MAML3: variants seen among roughly 807,000 people sequenced by gnomAD.
The protein encoded by MAML3 is mastermind-like protein 3.
In MAML3, 27 loss-of-function variants were observed where a neutral mutation model predicts 101.9. That is an observed-to-expected ratio of 0.27 (90% CI 0.20 to 0.37). MAML3 has a LOEUF of 0.37. MAML3 is among the 10% of genes least tolerant of loss of function. The pLI is 1.00. For missense variants in MAML3, 1,316 were observed against 1,444.9 expected (o/e 0.91, Z 1.45); for synonymous variants, 501 against 555.9 (o/e 0.90, Z 1.39).
chr4:139,812,581 T>C lies in MAML3; in HGVS notation c.2079+76776A>G, dbSNP rs560388317. ...CTACAATTCAGTGGTCGGATAATCT[T>C]ACCTCACTCCAAACCTGTCTGGCAC... On this transcript the variant is annotated intron_variant, in intron 2 of 4. Coordinates refer to ENST00000509479, the MANE Select transcript of MAML3 (RefSeq NM_018717.5). Among the ~76,000 whole-genome samples the C allele has an allele frequency of 3.9e-5, 6 of 152,350 alleles. No homozygotes were observed. The South Asian group carries it at 1.0e-3, about 26-fold the overall frequency.
Position 140,153,052 on chromosome 4 carries a change from C to T in MAML3, c.276G>A (p.Glu92=), listed in dbSNP as rs769037544. 3.2e-6 allele frequency: 5 copies of T among 1,578,976 alleles called. No homozygotes were observed. In the African/African-American group the frequency reaches 5.4e-5, roughly 17 times the overall value. The change falls in exon 1 of 5, where the codon GAG becomes GAA. Residue 92 remains glutamate (E), a synonymous_variant. Coordinates refer to ENST00000509479, the MANE Select transcript of MAML3 (RefSeq NM_018717.5). ...EGCRRHHVNC[E]NRYQQAQVEQ... ...CCACCTGAGCCTGCTGGTACCTGTT[C>T]TCGCAGTTGACGTGGTGCCGACGGC...
chr4:139,876,499 T>TA (rs1209461505), intron 2 of MAML3, among the ~76,000 whole-genome samples: 2 of 152,224 alleles, frequency 1.3e-5, no homozygotes, highest in Admixed American at 6.5e-5. Flanking sequence ...AAGGCTGCAA[T>TA]ACACTCAGAT....
intron 1 of MAML3, among the ~76,000 whole-genome samples, chr4:140,056,369 T>G (rs1297838646): frequency 6.6e-6 from 1 of 151,722 alleles, no homozygotes; most frequent in Non-Finnish European, 1.5e-5. Flanking sequence ...CTTTTTTTTT[T>G]TTTTAAAGAC....
intron 1 of MAML3, among the ~76,000 whole-genome samples, chr4:140,118,483 A>AC (rs1404784981): frequency 1.3e-5 from 2 of 152,146 alleles, no homozygotes; most frequent in African/African-American, 4.8e-5. Context: ...CAGAACCATA[A>AC]CCTTGACTAC....
intron 2 of MAML3, among the ~76,000 whole-genome samples, chr4:139,814,933 T>C (rs1730868779): frequency 6.6e-6 from 1 of 152,266 alleles, no homozygotes; most frequent in East Asian, 1.9e-4. Context: ...GGCTGTGCTA[T>C]AGAAATGAAA....
intron 2 of MAML3, among the ~76,000 whole-genome samples, chr4:139,797,177 C>T (rs889520580): frequency 6.6e-6 from 1 of 152,134 alleles, no homozygotes; most frequent in African/African-American, 2.4e-5. Flanking sequence ...TTATCTCAAC[C>T]TAAGTTGGCA....
intron 1 of MAML3, among the ~76,000 whole-genome samples, chr4:139,908,870 C>A (rs958266582): frequency 3.3e-5 from 5 of 152,146 alleles, no homozygotes; most frequent in Non-Finnish European, 5.9e-5. Flanking sequence ...TGATTAATGG[C>A]CATTACTGAT....
intron 1 of MAML3, among the ~76,000 whole-genome samples, chr4:139,989,450 T>A (rs1734617106): frequency 6.6e-6 from 1 of 152,104 alleles, no homozygotes; most frequent in Non-Finnish European, 1.5e-5. Context: ...TTCCTCCCTA[T>A]TACCCGTATC....
chr4:139,819,088 T>C (rs1302401695), intron 2 of MAML3, among the ~76,000 whole-genome samples: 1 of 152,060 alleles, frequency 6.6e-6, no homozygotes, highest in African/African-American at 2.4e-5. Context: ...CCGAATAAAA[T>C]AAGCATGAAA....
intron 1 of MAML3, among the ~76,000 whole-genome samples, chr4:140,112,711 C>G (rs1427740418): frequency 6.6e-6 from 1 of 152,228 alleles, no homozygotes; most frequent in Non-Finnish European, 1.5e-5. Context: ...TCTTCAGAAC[C>G]AGTAGAGCTT....
chr4:139,759,884 G>A (rs938555396), intron 2 of MAML3, among the ~76,000 whole-genome samples: 2 of 152,214 alleles, frequency 1.3e-5, no homozygotes, highest in Non-Finnish European at 2.9e-5. Flanking sequence ...TTCTTGCAAA[G>A]TTTTAGGACA....
At position 139,891,685 on chromosome 4, in the gene MAML3, T is replaced by TA. The variant is rs935277112; in HGVS notation, c.469-719dup. ...AACATCAAGGAATTAAATCAACATT[T>TA]AAAAAAAATGCTAAAATAAAAACTT... is the stretch of plus-strand genomic sequence containing the variant. On this transcript the variant is annotated intron_variant, in intron 1 of 4. Coordinates refer to ENST00000509479, the MANE Select transcript of MAML3 (RefSeq NM_018717.5). Among the ~76,000 whole-genome samples, 6 of 151,958 alleles carry TA rather than the reference T, an allele frequency of 3.9e-5. No homozygotes were observed. The East Asian group carries it at 9.6e-4, about 24-fold the overall frequency.
chr4:140,151,300 G>T (rs1330275632), intron 1 of MAML3, among the ~76,000 whole-genome samples: 2 of 152,038 alleles, frequency 1.3e-5, no homozygotes, highest in Non-Finnish European at 2.9e-5. Flanking sequence ...GAGGGAGGAG[G>T]GGTTGAGCGC....
In MAML3 at chr4:139,915,778, C is replaced by T. The variant is rs149503118; in HGVS notation, c.469-24811G>A. 4.3e-3 allele frequency among the ~76,000 whole-genome samples: 655 copies of T among 152,052 alleles called. 8 individuals carry two copies. The highest frequency in any genetic ancestry group is 0.015 in the African/African-American group (642 of 41,458). ...CACAGTGAACATGCCCTGACCTCCT[C>T]GTTATCTTAAGCAAAATTTTGGGGT... On this transcript the variant is annotated intron_variant, in intron 1 of 4. Transcript: ENST00000509479.
At chr4:140,014,024 A>C (rs1405320398) in intron 1 of MAML3, among the ~76,000 whole-genome samples, 2 of 152,234 alleles carry the variant, frequency 1.3e-5, no homozygotes, top group Non-Finnish European at 2.9e-5. Flanking sequence ...GGCAAAGCCA[A>C]TCGCTGCAGG....
intron 2 of MAML3, among the ~76,000 whole-genome samples, chr4:139,855,853 A>G (rs1355291990): frequency 6.6e-6 from 1 of 152,256 alleles, no homozygotes; most frequent in Admixed American, 6.5e-5. Flanking sequence ...TATTATGAGG[A>G]AACCACTCTA....
intron 1 of MAML3, among the ~76,000 whole-genome samples, chr4:140,037,339 C>G (rs1351958096): frequency 6.6e-6 from 1 of 151,742 alleles, no homozygotes. Context: ...GAATCCTTAG[C>G]ACATTATTAT....
intron 2 of MAML3, among the ~76,000 whole-genome samples, chr4:139,842,763 T>C (rs1263896409): frequency 3.8e-5 from 1 of 26,238 alleles, no homozygotes; most frequent in African/African-American, 1.6e-4. Context: ...TCCGCTTGCC[T>C]TTTTTTTTTT....
rs2111034368 is a variant in MAML3 at position 140,127,636 on chromosome 4, C to T, written c.468+25224G>A. ...TGCCATCATGAGGCACAATAGTGGG[C>T]ATCTTGGTGGTTTGCTAATAATAAC... On this transcript the variant is annotated intron_variant, in intron 1 of 4. Coordinates refer to ENST00000509479, the MANE Select transcript of MAML3 (RefSeq NM_018717.5). Among the ~76,000 whole-genome samples, 5 of 152,300 alleles carry T rather than the reference C, an allele frequency of 3.3e-5. No individual in the cohort carries two copies. In the South Asian group the frequency reaches 1.0e-3, roughly 32 times the overall value.
Sources: gnomAD v4.1 joint callset for allele counts (sites outside exome capture counted in the v4.1 genomes callset) on GRCh38, gnomAD v4.1.1 for gene constraint, MANE v1.5 for transcripts, NCBI Gene and HGNC (gene_info 2026-07-23, HGNC 2026-07-21) for gene names.